TRPM3: variants seen among roughly 807,000 people sequenced by gnomAD.
TRPM3 encodes long transient receptor potential channel 3.
In TRPM3, 77 loss-of-function variants were observed where a neutral mutation model predicts 181.2. The ratio of observed to expected loss-of-function variants is 0.42; its 90% CI spans 0.35 to 0.51. The LOEUF (loss-of-function observed/expected upper bound fraction) is 0.51, where lower values mean the gene tolerates loss of function less well. Among genes scored for constraint, TRPM3 ranks in the 20% least tolerant of loss-of-function variants. The probability of loss-of-function intolerance (pLI) is 0.01; values close to 1 mark genes in which losing one functional copy is unlikely to be tolerated. For missense variants in TRPM3, 1,759 were observed against 2,196.7 expected, an observed-to-expected ratio of 0.80 and a Z score of 3.98; for synonymous variants, 745 against 796.4, an observed-to-expected ratio of 0.94 and a Z score of 1.09.
chr9:71,159,203 T>C (rs1471972873), intron 1 of TRPM3, among the ~76,000 whole-genome samples: 1 of 151,752 alleles, frequency 6.6e-6, no homozygotes, highest in Non-Finnish European at 1.5e-5. Context: ...ATGTGTCCAA[T>C]TGGTTCTAAT....
chr9:71,246,116 C>T (rs920852166), intron 1 of TRPM3, among the ~76,000 whole-genome samples: 5 of 152,156 alleles, frequency 3.3e-5, no homozygotes, highest in African/African-American at 7.2e-5. Context: ...CACAGTTTGA[C>T]TCCTTATTTG....
intron 1 of TRPM3, among the ~76,000 whole-genome samples, chr9:71,384,721 C>T (rs1236336623): frequency 1.3e-5 from 2 of 152,146 alleles, no homozygotes; most frequent in East Asian, 3.9e-4. Context: ...GTGCCTTGTA[C>T]CTAAATGTAA....
intron 1 of TRPM3, among the ~76,000 whole-genome samples, chr9:71,391,624 T>A (rs1469093575): frequency 6.6e-6 from 1 of 152,100 alleles, no homozygotes; most frequent in African/African-American, 2.4e-5. Context: ...GCTATAAAAT[T>A]TTAAAAATCC....
At chr9:71,076,055 G>A (rs576868941) in intron 1 of TRPM3, among the ~76,000 whole-genome samples, 1 of 152,062 alleles carries the variant, frequency 6.6e-6, no homozygotes, top group Non-Finnish European at 1.5e-5. Context: ...GTACGTTTAC[G>A]TAAAACAAAC....
chr9:70,879,070 A>G (rs547557404), intron 1 of TRPM3, among the ~76,000 whole-genome samples: 1 of 152,260 alleles, frequency 6.6e-6, no homozygotes, highest in East Asian at 1.9e-4. Context: ...CTGTGAAGTA[A>G]GTGCTTTTAT....
At chr9:70,781,661 C>G (rs2082490935) in intron 7 of TRPM3, among the ~76,000 whole-genome samples, 1 of 152,014 alleles carries the variant, frequency 6.6e-6, no homozygotes, top group Non-Finnish European at 1.5e-5. Flanking sequence ...GATATACCAG[C>G]AGGGATTCTG....
chr9:70,591,334 A>G, intron 21 of TRPM3, 129 bp from the exon 22 acceptor site: 2 of 721,978 alleles, frequency 2.8e-6, no homozygotes, highest in South Asian at 3.5e-5. Flanking sequence ...AGGGATGTTT[A>G]GACAGGGAGT....
At chr9:70,903,809 T>C (rs1167696679) in intron 1 of TRPM3, among the ~76,000 whole-genome samples, 2 of 152,156 alleles carry the variant, frequency 1.3e-5, no homozygotes, top group Non-Finnish European at 2.9e-5. Flanking sequence ...AGATGTACAA[T>C]GAATGAGTTT....
At chr9:71,291,955 A>G (rs1446757255) in intron 1 of TRPM3, among the ~76,000 whole-genome samples, 3 of 152,098 alleles carry the variant, frequency 2.0e-5, no homozygotes, top group East Asian at 1.9e-4. Flanking sequence ...TAGATAATCA[A>G]TGTCATGTAG....
chr9:71,129,795 C>T (rs1349287114), intron 1 of TRPM3, among the ~76,000 whole-genome samples: 4 of 152,162 alleles, frequency 2.6e-5, no homozygotes, highest in Non-Finnish European at 5.9e-5. Context: ...TAACCTAACA[C>T]CAGAATCCTG....
intron 1 of TRPM3, among the ~76,000 whole-genome samples, chr9:71,321,820 G>A (rs7469432): frequency 5.9e-5 from 9 of 151,892 alleles, no homozygotes; most frequent in East Asian, 3.9e-4. Flanking sequence ...TTAATTTGGC[G>A]GGCAATTTTT....
chr9:70,754,090 C>T (rs754978627), intron 8 of TRPM3, among the ~76,000 whole-genome samples: 6 of 152,052 alleles, frequency 3.9e-5, no homozygotes, highest in East Asian at 1.9e-4. Context: ...TTGGCAGTGG[C>T]GATAGAGGAA....
chr9:70,745,958 C>T (rs540537639), intron 8 of TRPM3, among the ~76,000 whole-genome samples: 1 of 151,998 alleles, frequency 6.6e-6, no homozygotes, highest in Non-Finnish European at 1.5e-5. Flanking sequence ...CTAATGAGTC[C>T]CTGTAGTTAT....
At chr9:71,221,368 T>C (rs768154881) in intron 1 of TRPM3, among the ~76,000 whole-genome samples, 3 of 152,240 alleles carry the variant, frequency 2.0e-5, no homozygotes, top group Non-Finnish European at 4.4e-5. Context: ...TTATGAAATA[T>C]ATGCATCACA....
At chr9:71,030,682 T>C (rs1475954066) in intron 1 of TRPM3, among the ~76,000 whole-genome samples, 2 of 152,126 alleles carry the variant, frequency 1.3e-5, no homozygotes, top group Non-Finnish European at 2.9e-5. Context: ...AGGTTATTAA[T>C]TTGGGAATTT....
At chr9:71,314,221 G>T (rs1351394768) in intron 1 of TRPM3, among the ~76,000 whole-genome samples, 1 of 152,082 alleles carries the variant, frequency 6.6e-6, no homozygotes, top group East Asian at 1.9e-4. Context: ...GCCTTAAAGA[G>T]AACTCACTTA....
At chr9:71,307,637 T>C (rs1002668956) in intron 1 of TRPM3, among the ~76,000 whole-genome samples, 1 of 152,178 alleles carries the variant, frequency 6.6e-6, no homozygotes, top group Non-Finnish European at 1.5e-5. Context: ...AGCTATTCTT[T>C]TCTAATAACA....
chr9:71,389,241 C>A (rs767046280), intron 1 of TRPM3, among the ~76,000 whole-genome samples: 5 of 151,868 alleles, frequency 3.3e-5, no homozygotes, highest in Non-Finnish European at 5.9e-5. Context: ...CACAATATCA[C>A]TAATGATCAG....
intron 8 of TRPM3, among the ~76,000 whole-genome samples, chr9:70,746,374 A>G (rs1174727162): frequency 3.9e-5 from 6 of 152,114 alleles, no homozygotes; most frequent in Admixed American, 6.6e-5. Context: ...TCAGTTTCCT[A>G]AATGTGGAAA....
Sources: gnomAD v4.1 joint callset for allele counts (sites outside exome capture counted in the v4.1 genomes callset) on GRCh38, gnomAD v4.1.1 for gene constraint, MANE v1.5 for transcripts, NCBI Gene and HGNC (gene_info 2026-07-23, HGNC 2026-07-21) for gene names.